RASGRF1: variants seen among roughly 807,000 people sequenced by gnomAD.
RASGRF1 encodes the protein ras-specific guanine nucleotide-releasing factor 1.
In RASGRF1, 40 loss-of-function variants were observed where a neutral mutation model predicts 138.7. The ratio of observed to expected loss-of-function variants is 0.29; its 90% CI spans 0.22 to 0.38. The LOEUF is 0.38. Among genes scored for constraint, RASGRF1 ranks in the 10% least tolerant of loss-of-function variants. The pLI, the probability that RASGRF1 is intolerant of heterozygous loss-of-function variation, is 1.00. For missense variants in RASGRF1, 1,108 were observed against 1,650.4 expected (o/e 0.67, Z 5.69); for synonymous variants, 614 against 663.2 (o/e 0.93, Z 1.14).
chr15:79,009,034 A>G (rs2056741605), intron 13 of RASGRF1, among the ~76,000 whole-genome samples: 1 of 152,080 alleles, frequency 6.6e-6, no homozygotes, highest in African/African-American at 2.4e-5. Context: ...AACCAGACGC[A>G]CTCTCAGGCC....
At chr15:78,985,847 C>G (rs1331874882) in intron 22 of RASGRF1, 1 of 143,838 alleles carries the variant, frequency 7.0e-6, no homozygotes, top group African/African-American at 2.6e-5. Context: ...ATCACTTGAA[C>G]CCAGGAGGTG....
chr15:79,061,357 G>T (rs1252249343), intron 2 of RASGRF1, among the ~76,000 whole-genome samples: 3 of 146,484 alleles, frequency 2.0e-5, no homozygotes, highest in Non-Finnish European at 4.5e-5. Context: ...GTTTCATGCT[G>T]CTGAGTTGGT....
chr15:79,020,377 G>A (rs749691004), intron 10 of RASGRF1, among the ~76,000 whole-genome samples: 11 of 152,328 alleles, frequency 7.2e-5, no homozygotes, highest in Admixed American at 4.6e-4. Flanking sequence ...TGGGTGGAGC[G>A]GACAGAACCT....
rs2057420102 is a variant in RASGRF1, at chr15:79,050,807, G to A, written c.532-1219C>T. On this transcript the variant is annotated intron_variant, in intron 3 of 26. Coordinates refer to ENST00000558480, the MANE Select transcript of RASGRF1 (RefSeq NM_001145648.3). The surrounding 1 kb of genome is among the most constrained non-coding windows in gnomAD (Gnocchi z 4.1). ...GCTCGTCCAACCACTCCAATTCTGTGAGTCCTTGTTTTGTGTCCTGTAGCA... is the reference window on the plus strand; with the variant it reads ...GCTCGTCCAACCACTCCAATTCTGTAAGTCCTTGTTTTGTGTCCTGTAGCA... 1.3e-5 allele frequency among the ~76,000 whole-genome samples: 2 copies of A among 152,158 alleles called. No homozygotes were observed. The highest frequency in any genetic ancestry group is 6.5e-5 in the Admixed American group (1 of 15,286).
intron 22 of RASGRF1, among the ~76,000 whole-genome samples, chr15:78,988,858 C>T (rs866180695): frequency 0.082 from 1,988 of 24,318 alleles, 22 homozygotes; most frequent in Non-Finnish European, 0.12. Context: ...TTTTTTTTTT[C>T]CTCACACAGC....
chr15:78,994,924 A>C (rs2056357020), intron 20 of RASGRF1, among the ~76,000 whole-genome samples: 1 of 131,206 alleles, frequency 7.6e-6, no homozygotes, highest in African/African-American at 3.0e-5. Context: ...CCCTTCCAGC[A>C]CCTTTTTTTT....
intron 26 of RASGRF1, among the ~76,000 whole-genome samples, chr15:78,965,900 C>T (rs962278747): frequency 6.6e-6 from 1 of 152,112 alleles, no homozygotes; most frequent in Non-Finnish European, 1.5e-5. Flanking sequence ...GAAGGTAACA[C>T]AGTTGGTGAG....
rs1027626787 is a variant in RASGRF1, at chr15:79,027,259, A to G, written c.1381+482T>C. Among the ~76,000 whole-genome samples the G allele has an allele frequency of 5.3e-5, 8 of 152,286 alleles. No homozygotes were observed. The highest frequency in any genetic ancestry group is 1.9e-4 in the African/African-American group (8 of 41,558). On this transcript the variant is annotated intron_variant, in intron 9 of 26. Transcript: ENST00000558480. The surrounding 1 kb of genome is among the most constrained non-coding windows in gnomAD (Gnocchi z 4.8). ...GGTAAGCGAGGCTGAAGCTTGGGAA[A>G]GACCTTCTACCCATGAGAACCACTG...
chr15:78,993,289 CTGTG>C (rs1376711669), intron 20 of RASGRF1, among the ~76,000 whole-genome samples: 1 of 77,650 alleles, frequency 1.3e-5, no homozygotes, highest in African/African-American at 5.2e-5. Context: ...TGTGTGGTGT[CTGTG>C]TGTGTGGTCT....
intron 3 of RASGRF1, among the ~76,000 whole-genome samples, chr15:79,057,784 G>A (rs1364929130): frequency 1.3e-5 from 2 of 152,190 alleles, no homozygotes; most frequent in Non-Finnish European, 2.9e-5. Context: ...GGGAAGCCAG[G>A]TGCAAAGAGG....
In RASGRF1 at chr15:79,049,483, G is replaced by A. The variant is rs1567577310; in HGVS notation, c.624+13C>T. ...GAGCTCCAAAGAAGGCCACCCAGAG[G>A]GATAGCACTGACCTTCTTAATTTTC... is the stretch of plus-strand genomic sequence containing the variant. On this transcript the variant is annotated intron_variant, in intron 4 of 26. Transcript: ENST00000558480. The A allele has an allele frequency of 3.1e-6, 5 of 1,612,668 alleles. No individual in the cohort carries two copies. Among genetic ancestry groups the A allele is most frequent in the East Asian group, 2.2e-5 (1 of 44,850 alleles).
chr15:78,962,228 T>C lies in RASGRF1; in HGVS notation c.3690A>G (p.Gln1230=), dbSNP rs775367097. The C allele has an allele frequency of 7.0e-6, 11 of 1,560,970 alleles. No individual in the cohort carries two copies. Among genetic ancestry groups the C allele is most frequent in the African/African-American group, 5.4e-5 (4 of 73,490 alleles). The change falls in exon 27 of 27, where the codon CAA becomes CAG. Residue 1230 remains glutamine, a synonymous_variant. Coordinates refer to ENST00000558480, the MANE Select transcript of RASGRF1 (RefSeq NM_001145648.3). ...TTACAAAAGATTGGTCCAGTAAATA[T>C]TGCGTTACCTGAGAAAAGAAAAGAG... ...YKIEHQAKVT[Q]YLLDQSFVMD...
At chr15:79,072,401 G>A (rs904418694) in intron 1 of RASGRF1, among the ~76,000 whole-genome samples, 6 of 144,224 alleles carry the variant, frequency 4.2e-5, no homozygotes, top group Admixed American at 7.3e-5. Flanking sequence ...TCAGCCTCCC[G>A]AGGAGCTGGG....
rs115517562 is a variant in RASGRF1, at chr15:79,040,030, G to A, written c.879-4820C>T. ...CAATCCTTCTGCCTCGAAAGTGCAGGGATTAGAGGCATGAGTCACTGTGCC... is the reference window on the plus strand; with the variant it reads ...CAATCCTTCTGCCTCGAAAGTGCAGAGATTAGAGGCATGAGTCACTGTGCC... On this transcript the variant is annotated intron_variant, in intron 5 of 26. Coordinates refer to ENST00000558480, the MANE Select transcript of RASGRF1 (RefSeq NM_001145648.3). 2.8e-3 allele frequency among the ~76,000 whole-genome samples: 433 copies of A among 152,166 alleles called. 1 individual carries two copies. The highest frequency in any genetic ancestry group is 9.4e-3 in the African/African-American group (389 of 41,512).
intron 8 of RASGRF1, 69 bp downstream of exon 8, chr15:79,031,331 C>T (rs1402603398): frequency 8.0e-7 from 1 of 1,249,312 alleles, no homozygotes. Context: ...GTTCAGCGAA[C>T]TCCTGGTGAG....
chr15:79,013,169 C>T lies in RASGRF1; in HGVS notation c.1826+2158G>A, dbSNP rs2056826373. 3.9e-5 allele frequency among the ~76,000 whole-genome samples: 6 copies of T among 152,292 alleles called. No homozygotes were observed. In the South Asian group the frequency reaches 1.0e-3, roughly 26 times the overall value. On this transcript the variant is annotated intron_variant, in intron 13 of 26. Coordinates refer to ENST00000558480, the MANE Select transcript of RASGRF1 (RefSeq NM_001145648.3). ...GAAACCCAAGCTCGGAAAGGTTAAGCGACTTGTCCATATTCACACACAAAG... is the reference window on the plus strand; with the variant it reads ...GAAACCCAAGCTCGGAAAGGTTAAGTGACTTGTCCATATTCACACACAAAG...
intron 20 of RASGRF1, 52 bp downstream of exon 20, chr15:78,995,688 C>T (rs950013411): frequency 3.8e-6 from 6 of 1,599,906 alleles, no homozygotes; most frequent in Non-Finnish European, 5.1e-6. Flanking sequence ...GGGTCCTGGG[C>T]AGGAGGATGG....
intron 5 of RASGRF1, among the ~76,000 whole-genome samples, chr15:79,036,359 C>T (rs1242705335): frequency 6.6e-6 from 1 of 152,214 alleles, no homozygotes. Flanking sequence ...CGGACCCTCT[C>T]TGTCCCTGGA....
chr15:79,027,800 C>T lies in RASGRF1; in HGVS notation c.1322G>A (p.Arg441His), dbSNP rs564585940. Residue 441 changes from arginine (R) to histidine (H), a missense_variant, in exon 9 of 27, where the codon CGC becomes CAC. This residue lies in a region of RASGRF1 where 169 missense variants were observed against 344.2 expected (regional missense o/e 0.49). Transcript: ENST00000558480. This position sits in a 1 kb window ranked among gnomAD's most constrained non-coding sequence, Gnocchi z 4.8. ...ENIRKNLAIE[R>H]MIIEGCEILL... The stretch of plus-strand genomic sequence containing the variant: ...GATCTCACAGCCTTCGATGATCATG[C>T]GCTCGATGGCCAGGTTTTTCCGGAT... The T allele has an allele frequency of 8.7e-6, 14 of 1,614,240 alleles. No individual in the cohort carries two copies. Among genetic ancestry groups the T allele is most frequent in the South Asian group, 6.6e-5 (6 of 91,090 alleles).
Sources: allele counts gnomAD v4.1 joint callset (sites outside exome capture counted in the v4.1 genomes callset), GRCh38; gene constraint gnomAD v4.1.1; regional missense constraint gnomAD v4.1.1; non-coding constraint Gnocchi (gnomAD v3.1); transcripts MANE v1.5; gene names NCBI Gene and HGNC (gene_info 2026-07-23, HGNC 2026-07-21).